Variants in COL9A1 observed in about 807,000 individuals in gnomAD.
COL9A1 encodes collagen alpha-1(IX) chain.
COL9A1 carries 104 observed loss-of-function variants against 142.6 expected under a neutral mutation model. The ratio of observed to expected loss-of-function variants is 0.73; its 90% CI spans 0.62 to 0.86. The LOEUF (loss-of-function observed/expected upper bound fraction) is 0.86, where lower values mean the gene tolerates loss of function less well. Ranked by LOEUF, COL9A1 falls within the 40% of genes least tolerant of loss-of-function variation. COL9A1 has a pLI of 0.00. For synonymous variants in COL9A1, 466 were observed against 396.0 expected (o/e 1.18, Z -2.10); for missense variants, 1,210 against 1,176.6 (o/e 1.03, Z -0.42).
At chr6:70,240,180 T>C (rs1583234504) in intron 32 of COL9A1, among the ~76,000 whole-genome samples, 1 of 152,182 alleles carries the variant, frequency 6.6e-6, no homozygotes. Context: ...ATTCCTTTCC[T>C]GGAGATTAGG....
intron 11 of COL9A1, 69 bp from the exon 12 acceptor site, chr6:70,274,151 A>C (rs1046629340): frequency 1.5e-4 from 190 of 1,296,008 alleles, no homozygotes; most frequent in Non-Finnish European, 1.9e-4. Flanking sequence ...AAAACTGCAT[A>C]AATATTGAAA....
chr6:70,234,500 T>G (rs775762656), intron 35 of COL9A1, 39 bp downstream of exon 35: 3 of 1,602,426 alleles, frequency 1.9e-6, no homozygotes, highest in Middle Eastern at 1.7e-4. Flanking sequence ...GAAACAAGAG[T>G]TGATGGTGGA....
At chr6:70,302,706 C>CCTCT in intron 1 of COL9A1, among the ~76,000 whole-genome samples, 1 of 152,146 alleles carries the variant, frequency 6.6e-6, no homozygotes, top group Middle Eastern at 3.4e-3. Flanking sequence ...TCTCTCCCTT[C>CCTCT]CTCTGTCTGT....
In COL9A1 at chr6:70,281,051, G is replaced by GGAGAAAAA; in HGVS notation, c.877-20_877-13dup. 6.2e-7 allele frequency: 1 copy of GGAGAAAAA among 1,605,248 alleles called. No individual in the cohort carries two copies. Among genetic ancestry groups the GGAGAAAAA allele is most frequent in the East Asian group, 2.2e-5 (1 of 44,736 alleles). On this transcript the variant is annotated splice_polypyrimidine_tract_variant and intron_variant, in intron 8 of 37. Transcript: ENST00000357250. Reference sequence around the variant, plus strand: ...GGACCTCGGTCACCCTGGAGGGGTAGGAGAAAAAGAGAGAGCAGTCTATGA... The same window carrying GGAGAAAAA: ...GGACCTCGGTCACCCTGGAGGGGTAGGAGAAAAAGAGAAAAAGAGAGAGCAGTCTATGA...
intron 26 of COL9A1, 164 bp downstream of exon 26, chr6:70,253,221 G>A (rs954565383): frequency 3.7e-6 from 2 of 538,914 alleles, no homozygotes; most frequent in African/African-American, 3.8e-5. Flanking sequence ...TCTGTAGCTA[G>A]GAAAAAGATT....
At chr6:70,297,320 T>C (rs1215074803) in intron 4 of COL9A1, among the ~76,000 whole-genome samples, 2 of 152,132 alleles carry the variant, frequency 1.3e-5, no homozygotes, top group Admixed American at 6.5e-5. Context: ...TCCGTATATA[T>C]GAAGATAATA....
chr6:70,266,889 T>C (rs948343722), intron 17 of COL9A1, 119 bp from the exon 18 acceptor site: 5 of 842,184 alleles, frequency 5.9e-6, no homozygotes, highest in Non-Finnish European at 1.0e-5. Flanking sequence ...ATGAGTTATG[T>C]CACAAAGAAA....
At chr6:70,239,405 G>A (rs532577708) in intron 32 of COL9A1, 119 bp from the exon 33 acceptor site, 38 of 696,804 alleles carry the variant, frequency 5.5e-5, no homozygotes, top group Admixed American at 3.1e-4. Context: ...GATTAACTCC[G>A]GCACTGCAAA....
At chr6:70,220,008 G>A (rs888309705) in intron 37 of COL9A1, among the ~76,000 whole-genome samples, 1 of 151,896 alleles carries the variant, frequency 6.6e-6, no homozygotes, top group Non-Finnish European at 1.5e-5. Context: ...ATTCCAAATT[G>A]CTGCTTATCC....
At chr6:70,284,610 G>A (rs770752664) in intron 5 of COL9A1, among the ~76,000 whole-genome samples, 47 of 152,274 alleles carry the variant, frequency 3.1e-4, no homozygotes, top group Non-Finnish European at 5.6e-4. Context: ...CAAGGAAAAT[G>A]TTGCCAGGTC....
intron 4 of COL9A1, among the ~76,000 whole-genome samples, chr6:70,295,281 C>CTTTTTTTTTTTTTTTT (rs1171549562): frequency 7.9e-5 from 5 of 63,166 alleles, no homozygotes; most frequent in African/African-American, 2.6e-4. Context: ...GTTGTTGCTT[C>CTTTTTTTTTTTTTTTT]TTTTTTTTTT....
chr6:70,294,021 C>G (rs1197252635), intron 5 of COL9A1, 146 bp downstream of exon 5: 1 of 1,111,962 alleles, frequency 9.0e-7, no homozygotes, highest in East Asian at 2.4e-5. Context: ...CTCCTCAAGA[C>G]CAGAAGCTAT....
At chr6:70,215,522 A>G (rs764139856), downstream of COL9A1, 2 of 152,246 alleles carry the variant, frequency 1.3e-5, no homozygotes, top group Non-Finnish European at 2.9e-5. Context: ...TCTGTGATAT[A>G]AAATGAATAT....
chr6:70,288,333 C>T (rs956151112), intron 5 of COL9A1, among the ~76,000 whole-genome samples: 1 of 152,146 alleles, frequency 6.6e-6, no homozygotes, highest in African/African-American at 2.4e-5. Flanking sequence ...CCACTACCAC[C>T]CTGGTCTAAA....
At chr6:70,220,081 C>A (rs1768772468) in intron 37 of COL9A1, among the ~76,000 whole-genome samples, 1 of 152,120 alleles carries the variant, frequency 6.6e-6, no homozygotes, top group Non-Finnish European at 1.5e-5. Context: ...AAGCATGCAT[C>A]TCATCCAGTT....
At chr6:70,253,149 T>G (rs1771058895) in intron 26 of COL9A1, 1 of 414,260 alleles carries the variant, frequency 2.4e-6, no homozygotes, top group Non-Finnish European at 4.5e-6. Context: ...TGTTTTATAC[T>G]GGCAAAGGAT....
intron 12 of COL9A1, 56 bp from the exon 13 acceptor site, chr6:70,272,144 T>C: frequency 4.9e-6 from 7 of 1,419,280 alleles, no homozygotes; most frequent in Non-Finnish European, 6.9e-6. Flanking sequence ...AGTATAAATA[T>C]GAATGTAGAC....
intron 7 of COL9A1, 56 bp from the exon 8 acceptor site, chr6:70,281,520 T>G: frequency 7.0e-7 from 1 of 1,429,232 alleles, no homozygotes; most frequent in South Asian, 1.2e-5. Flanking sequence ...AGGGAGCAAC[T>G]GAGCGCGGTG....
rs143406737 is a variant in COL9A1 at position 70,227,730 on chromosome 6, G to T, written c.2504-1721C>A. ...TGCAGCCTTGCCATAATAGCAGAAG[G>T]TTGGAAACAATCTATGTCCATTAAA... On this transcript the variant is annotated intron_variant, in intron 36 of 37. Transcript: ENST00000357250. Among the ~76,000 whole-genome samples the T allele has an allele frequency of 3.1e-4, 47 of 152,180 alleles. No homozygotes were observed. The East Asian group carries it at 8.3e-3, about 27-fold the overall frequency.
Sources: gnomAD v4.1 joint callset for allele counts (sites outside exome capture counted in the v4.1 genomes callset) on GRCh38, gnomAD v4.1.1 for gene constraint, MANE v1.5 for transcripts, NCBI Gene and HGNC (gene_info 2026-07-23, HGNC 2026-07-21) for gene names.